The following FHIT variants were observed in gnomAD, a reference collection of about 807,000 sequenced individuals.
FHIT encodes the protein bis(5'-adenosyl)-triphosphatase.
In FHIT, 19 loss-of-function variants were observed where a neutral mutation model predicts 17.9. That is an observed-to-expected ratio of 1.06 (90% CI 0.74 to 1.56). The LOEUF (loss-of-function observed/expected upper bound fraction) is 1.56, where lower values mean the gene tolerates loss of function less well. Ranked by LOEUF, FHIT falls within the 40% of genes most tolerant of loss-of-function variation. The pLI is 0.00. For missense variants in FHIT, 248 were observed against 189.2 expected, an observed-to-expected ratio of 1.31 and a Z score of -1.82; for synonymous variants, 81 against 69.7, an observed-to-expected ratio of 1.16 and a Z score of -0.81.
intron 5 of FHIT, among the ~76,000 whole-genome samples, chr3:60,510,181 A>G (rs1276829366): frequency 6.6e-6 from 1 of 152,186 alleles, no homozygotes; most frequent in African/African-American, 2.4e-5. Flanking sequence ...AGGAAACCCA[A>G]TGCCTGAGCT....
intron 4 of FHIT, among the ~76,000 whole-genome samples, chr3:60,595,563 G>A (rs1160222689): frequency 6.6e-6 from 1 of 150,956 alleles, no homozygotes; most frequent in Non-Finnish European, 1.5e-5. Flanking sequence ...ATGGACATAT[G>A]TGTATATATA....
intron 7 of FHIT, among the ~76,000 whole-genome samples, chr3:59,955,879 G>A (rs1348995058): frequency 6.6e-6 from 1 of 152,102 alleles, no homozygotes; most frequent in Non-Finnish European, 1.5e-5. Context: ...CTCCACTCCT[G>A]TATCTCCACA....
intron 4 of FHIT, among the ~76,000 whole-genome samples, chr3:60,705,262 T>A (rs1441392960): frequency 6.6e-6 from 1 of 152,092 alleles, no homozygotes; most frequent in Non-Finnish European, 1.5e-5. Flanking sequence ...GAAGGAGACA[T>A]AAACATAGAA....
Position 60,918,685 on chromosome 3 carries a change from C to G in FHIT, c.-110-96674G>C, listed in dbSNP as rs546752021. ...AGCAGGGGCAGACACATAGATTATA[C>G]CAGTGTTCCCCAAACATCAAAGCAT... On this transcript the variant is annotated intron_variant, in intron 3 of 9. Transcript: ENST00000492590. 2.6e-5 allele frequency among the ~76,000 whole-genome samples: 4 copies of G among 152,288 alleles called. 1 individual carries two copies. In the South Asian group the frequency reaches 8.3e-4, roughly 32 times the overall value.
At chr3:60,213,177 T>C (rs1203242049) in intron 5 of FHIT, among the ~76,000 whole-genome samples, 2 of 152,186 alleles carry the variant, frequency 1.3e-5, no homozygotes, top group African/African-American at 4.8e-5. Flanking sequence ...GGTATTCCAA[T>C]GATAGAGAGA....
chr3:60,141,158 T>C (rs77260037), intron 5 of FHIT, among the ~76,000 whole-genome samples: 8,123 of 152,158 alleles, frequency 0.053, 286 homozygotes, highest in Non-Finnish European at 0.077. Context: ...CTGGAAGAGA[T>C]GAGGCTATCA....
At chr3:60,056,540 T>C (rs953699198) in intron 5 of FHIT, among the ~76,000 whole-genome samples, 3 of 152,234 alleles carry the variant, frequency 2.0e-5, no homozygotes, top group African/African-American at 7.2e-5. Flanking sequence ...TATACGCTTT[T>C]GATTGATTCA....
chr3:60,030,220 C>T (rs761260742), intron 5 of FHIT, among the ~76,000 whole-genome samples: 3 of 151,864 alleles, frequency 2.0e-5, no homozygotes, highest in Non-Finnish European at 2.9e-5. Context: ...ACATCAATAC[C>T]ATGCATGTTC....
At chr3:60,502,614 T>C (rs1466640021) in intron 5 of FHIT, among the ~76,000 whole-genome samples, 1 of 152,216 alleles carries the variant, frequency 6.6e-6, no homozygotes, top group Non-Finnish European at 1.5e-5. Flanking sequence ...TGTTTAATCA[T>C]TTGATAATTT....
intron 5 of FHIT, among the ~76,000 whole-genome samples, chr3:60,212,949 C>T (rs1253217489): frequency 6.6e-6 from 1 of 152,162 alleles, no homozygotes; most frequent in South Asian, 2.1e-4. Context: ...CAGAAGCCAT[C>T]AGCCTAGTGC....
intron 3 of FHIT, among the ~76,000 whole-genome samples, chr3:60,896,876 G>T (rs1705850335): frequency 6.6e-6 from 1 of 152,120 alleles, no homozygotes; most frequent in Admixed American, 6.5e-5. Context: ...GGTATTCAGA[G>T]AAGTACTACA....
At chr3:59,976,847 G>A (rs1271519452) in intron 7 of FHIT, among the ~76,000 whole-genome samples, 1 of 152,024 alleles carries the variant, frequency 6.6e-6, no homozygotes, top group African/African-American at 2.4e-5. Context: ...AAGACATCCT[G>A]ACCCTCAGAG....
At chr3:60,013,953 A>G (rs1700237680) in intron 6 of FHIT, 54 bp downstream of exon 6, 2 of 1,572,964 alleles carry the variant, frequency 1.3e-6, no homozygotes, top group East Asian at 2.2e-5. Context: ...AGCAAGCCCA[A>G]TGCCGGGATA....
chr3:60,477,239 C>T (rs2033392597), intron 5 of FHIT, among the ~76,000 whole-genome samples: 1 of 151,828 alleles, frequency 6.6e-6, no homozygotes, highest in Non-Finnish European at 1.5e-5. Context: ...ATGCAATTTC[C>T]TGGTCAGAAT....
intron 3 of FHIT, among the ~76,000 whole-genome samples, chr3:60,917,962 A>ACCGAC (rs1338309107): frequency 2.0e-5 from 3 of 152,228 alleles, no homozygotes; most frequent in African/African-American, 7.2e-5. Flanking sequence ...TTGTGTGCCC[A>ACCGAC]CCTAAATCTC....
intron 5 of FHIT, among the ~76,000 whole-genome samples, chr3:60,025,647 G>A (rs756947761): frequency 2.4e-4 from 36 of 151,306 alleles, no homozygotes; most frequent in Non-Finnish European, 5.0e-4. Context: ...AAGGCAGCTG[G>A]ACACATAAAG....
intron 5 of FHIT, among the ~76,000 whole-genome samples, chr3:60,340,271 A>C (rs1004385942): frequency 6.6e-6 from 1 of 152,240 alleles, no homozygotes; most frequent in Admixed American, 6.5e-5. Flanking sequence ...AGGTAAGGTC[A>C]CATTTTTATA....
intron 2 of FHIT, among the ~76,000 whole-genome samples, chr3:61,139,175 A>C: frequency 6.6e-6 from 1 of 151,806 alleles, no homozygotes; most frequent in Admixed American, 6.6e-5. Context: ...GACTATAGGC[A>C]TGTGCCACCA....
At chr3:60,065,210 C>A (rs1315713627) in intron 5 of FHIT, among the ~76,000 whole-genome samples, 2 of 152,112 alleles carry the variant, frequency 1.3e-5, no homozygotes, top group African/African-American at 4.8e-5. Flanking sequence ...TTGAAGAAGA[C>A]AGAAAGCATT....
Sources: gnomAD v4.1 joint callset for allele counts (sites outside exome capture counted in the v4.1 genomes callset) on GRCh38, gnomAD v4.1.1 for gene constraint, MANE v1.5 for transcripts, NCBI Gene and HGNC (gene_info 2026-07-23, HGNC 2026-07-21) for gene names.